The following DNAAF4 variants were observed in gnomAD, a reference collection of about 807,000 sequenced individuals.
DNAAF4 encodes dynein axonemal assembly factor 4, also known as dynein assembly factor 4, axonemal.
Under a neutral mutation model 51.8 loss-of-function variants are expected in DNAAF4, and 43 were observed. The ratio of observed to expected loss-of-function variants is 0.83; its 90% CI spans 0.65 to 1.07. The LOEUF is 1.07. Among genes scored for constraint, DNAAF4 ranks in the 50% least tolerant of loss-of-function variants. DNAAF4 has a pLI of 0.00. For synonymous variants in DNAAF4, 194 were observed against 165.6 expected (o/e 1.17, Z -1.32); for missense variants, 581 against 493.0 (o/e 1.18, Z -1.69).
At chr15:55,487,575 G>A (rs573855131) in intron 4 of DNAAF4, among the ~76,000 whole-genome samples, 66 of 152,046 alleles carry the variant, frequency 4.3e-4, no homozygotes, top group Middle Eastern at 3.4e-3. Flanking sequence ...CTTCGGGTCC[G>A]CGCCACCTTT....
At chr15:55,501,022 TA>T (rs374770939) in intron 1 of DNAAF4, among the ~76,000 whole-genome samples, 17,902 of 143,294 alleles carry the variant, frequency 0.12, 1,784 homozygotes, top group African/African-American at 0.27. Context: ...AATGGAAACT[TA>T]AAAAAAAAAA....
At chr15:55,483,074 G>A (rs1194586586) in intron 4 of DNAAF4, among the ~76,000 whole-genome samples, 2 of 152,012 alleles carry the variant, frequency 1.3e-5, no homozygotes, top group African/African-American at 4.8e-5. Flanking sequence ...GACTGCTAAT[G>A]AAAATAGGGC....
intron 4 of DNAAF4, among the ~76,000 whole-genome samples, chr15:55,467,941 G>C (rs934309574): frequency 6.6e-6 from 1 of 152,120 alleles, no homozygotes; most frequent in African/African-American, 2.4e-5. Flanking sequence ...TTGACTCCAT[G>C]TATCTGACTT....
chr15:55,484,398 T>G (rs1189882043), intron 4 of DNAAF4, among the ~76,000 whole-genome samples: 2 of 149,712 alleles, frequency 1.3e-5, no homozygotes, highest in Non-Finnish European at 3.0e-5. Context: ...GGCAGGAGAA[T>G]GGCTTGAACC....
At chr15:55,467,205 C>T in intron 4 of DNAAF4, 44 bp from the exon 5 acceptor site, 1 of 1,396,922 alleles carries the variant, frequency 7.2e-7, no homozygotes, top group Non-Finnish European at 9.8e-7. Context: ...TACATAAAAG[C>T]AACATTTATT....
At chr15:55,501,910 G>C (rs2058701400) in intron 1 of DNAAF4, among the ~76,000 whole-genome samples, 1 of 151,844 alleles carries the variant, frequency 6.6e-6, no homozygotes, top group Non-Finnish European at 1.5e-5. Flanking sequence ...AGAGGTGGTG[G>C]TGTGTGCCTG....
chr15:55,435,994 G>A (rs1384832643), intron 7 of DNAAF4, among the ~76,000 whole-genome samples: 1 of 152,138 alleles, frequency 6.6e-6, no homozygotes, highest in South Asian at 2.1e-4. Context: ...CTCCATGTTG[G>A]TCAGACTGGT....
chr15:55,502,312 C>G (rs369077823), intron 1 of DNAAF4, among the ~76,000 whole-genome samples: 1 of 152,034 alleles, frequency 6.6e-6, no homozygotes, highest in African/African-American at 2.4e-5. Flanking sequence ...GGACATGCTA[C>G]CCCAAATTAT....
intron 4 of DNAAF4, among the ~76,000 whole-genome samples, chr15:55,479,354 T>G (rs2058377532): frequency 6.6e-6 from 1 of 151,966 alleles, no homozygotes; most frequent in African/African-American, 2.4e-5. Context: ...AGTTCCCAAA[T>G]AATACTTTTA....
chr15:55,472,055 G>A (rs895767628), intron 4 of DNAAF4, among the ~76,000 whole-genome samples: 1 of 149,894 alleles, frequency 6.7e-6, no homozygotes, highest in African/African-American at 2.5e-5. Flanking sequence ...GGCCAGGCTG[G>A]TGTCAAACTC....
rs111872329 is a variant in DNAAF4, at chr15:55,446,568, T to G, written c.783+3654A>C. Among the ~76,000 whole-genome samples, 910 of 97,074 alleles carry G rather than the reference T, an allele frequency of 9.4e-3. 6 individuals carry two copies. The highest frequency in any genetic ancestry group is 0.014 in the Non-Finnish European group (683 of 48,502). 63.7% of individuals were successfully genotyped at this position (97,074 alleles called of 152,430 possible). A position where few individuals can be genotyped will look rare whatever the true frequency, so the allele number is the denominator to read the frequency against. ...GCAGAGGCGCTCCTCACATCCCAGA[T>G]GAAGGGCAGCCAGGCAGAGGCGCTC... On this transcript the variant is annotated intron_variant, in intron 6 of 9. Coordinates refer to ENST00000321149, the MANE Select transcript of DNAAF4 (RefSeq NM_130810.4).
At chr15:55,418,493 T>A (rs576544122) in intron 7 of DNAAF4, 1 of 1,528,570 alleles carries the variant, frequency 6.5e-7, no homozygotes, top group African/African-American at 1.4e-5. Context: ...AACTGGATTT[T>A]ATCAAAATAA....
At chr15:55,453,651 C>T (rs560901873) in intron 5 of DNAAF4, among the ~76,000 whole-genome samples, 6 of 149,324 alleles carry the variant, frequency 4.0e-5, no homozygotes, top group African/African-American at 1.5e-4. Context: ...CCCGGGTTCA[C>T]GCCATTCTCC....
intron 5 of DNAAF4, among the ~76,000 whole-genome samples, chr15:55,465,389 T>TACACACACAC (rs200097648): frequency 7.9e-4 from 101 of 128,534 alleles, no homozygotes; most frequent in African/African-American, 2.1e-3. Flanking sequence ...ATATGGTGTA[T>TACACACACAC]ATATACACAC....
intron 4 of DNAAF4, among the ~76,000 whole-genome samples, chr15:55,470,435 G>A (rs1567021941): frequency 6.6e-6 from 1 of 152,118 alleles, no homozygotes; most frequent in Non-Finnish European, 1.5e-5. Flanking sequence ...CGGGGAAGGA[G>A]CACAGAGTTT....
chr15:55,454,561 A>C (rs900188013), intron 5 of DNAAF4, among the ~76,000 whole-genome samples: 2 of 151,902 alleles, frequency 1.3e-5, no homozygotes, highest in African/African-American at 4.8e-5. Flanking sequence ...TATTTTTAGT[A>C]GAGATGGGGT....
intron 4 of DNAAF4, among the ~76,000 whole-genome samples, chr15:55,468,217 T>C (rs1040984991): frequency 6.6e-6 from 1 of 152,196 alleles, no homozygotes; most frequent in South Asian, 2.1e-4. Context: ...CTAAATGTTG[T>C]ATTACTTTAA....
intron 5 of DNAAF4, among the ~76,000 whole-genome samples, chr15:55,464,942 C>T (rs547054885): frequency 1.3e-5 from 2 of 152,050 alleles, no homozygotes; most frequent in Non-Finnish European, 2.9e-5. Flanking sequence ...GCAACAAGAG[C>T]GAAATTCCAT....
At chr15:55,444,544 T>C (rs1402142398) in intron 6 of DNAAF4, among the ~76,000 whole-genome samples, 3 of 152,210 alleles carry the variant, frequency 2.0e-5, no homozygotes, top group African/African-American at 4.8e-5. Flanking sequence ...TTTGGTTCCA[T>C]ATGAACTTTA....
Sources: allele counts gnomAD v4.1 joint callset (sites outside exome capture counted in the v4.1 genomes callset), GRCh38; gene constraint gnomAD v4.1.1; transcripts MANE v1.5; gene names NCBI Gene and HGNC (gene_info 2026-07-23, HGNC 2026-07-21).